Variants in NEBL observed in about 807,000 individuals in gnomAD.
NEBL encodes LIM and SH3 protein 2.
In NEBL, 122 loss-of-function variants were observed where a neutral mutation model predicts 140.2. That is an observed-to-expected ratio of 0.87 (90% CI 0.75 to 1.01). The LOEUF (loss-of-function observed/expected upper bound fraction) is 1.01, where lower values mean the gene tolerates loss of function less well. Ranked by LOEUF, NEBL falls within the 50% of genes least tolerant of loss-of-function variation. The probability of loss-of-function intolerance (pLI) is 0.00; values close to 1 mark genes in which losing one functional copy is unlikely to be tolerated. For missense variants in NEBL, 1,365 were observed against 1,231.3 expected, an observed-to-expected ratio of 1.11 and a Z score of -1.62; for synonymous variants, 436 against 398.9, an observed-to-expected ratio of 1.09 and a Z score of -1.11.
At position 20,791,802 on chromosome 10, in the gene NEBL, T is replaced by C. The variant is rs560891918; in HGVS notation, c.2762-4494A>G. Among the ~76,000 whole-genome samples, 9 of 152,172 alleles carry C rather than the reference T, an allele frequency of 5.9e-5. No homozygotes were observed. In the South Asian group the frequency reaches 1.7e-3, roughly 28 times the overall value. On this transcript the variant is annotated intron_variant, in intron 26 of 27. Transcript: ENST00000377122. The stretch of plus-strand genomic sequence containing the variant: ...GGAAGAAATGTACCCACAAGAAACG[T>C]TGAAGAGTACTCAAAAAGAAGTTCA...
chr10:21,044,360 G>A (rs563942307), intron 2 of NEBL, among the ~76,000 whole-genome samples: 16 of 118,096 alleles, frequency 1.4e-4, no homozygotes, highest in South Asian at 3.0e-4. Flanking sequence ...TGGTGCCACC[G>A]CACTCCAGCC....
In NEBL at chr10:20,897,120, C is replaced by T. The variant is rs1309437282; in HGVS notation, c.81+5G>A. 1 of 1,593,268 alleles carries T rather than the reference C, an allele frequency of 6.3e-7. No homozygotes were observed. Among genetic ancestry groups the T allele is most frequent in the Non-Finnish European group, 8.6e-7 (1 of 1,161,208 alleles). On this transcript the variant is annotated splice_donor_5th_base_variant and intron_variant, in intron 1 of 27. Coordinates refer to ENST00000377122, the MANE Select transcript of NEBL (RefSeq NM_006393.3). ...GCTGGTCTGAGTATGTGTTTTCTCA[C>T]TCACCTGGTCTTCTTCATTTTCTTC...
intron 3 of NEBL, among the ~76,000 whole-genome samples, chr10:21,184,770 C>T (rs1381063): frequency 0.99 from 151,238 of 152,378 alleles, 75,053 homozygotes; most frequent in East Asian, 1. Flanking sequence ...GTTTCTGATA[C>T]TTTGTTAAGC....
chr10:21,248,872 G>A (rs1490949211), intron 2 of NEBL, among the ~76,000 whole-genome samples: 1 of 151,558 alleles, frequency 6.6e-6, no homozygotes, highest in Admixed American at 6.6e-5. Flanking sequence ...CATCCCAATG[G>A]GTATGAAGTG....
intron 2 of NEBL, among the ~76,000 whole-genome samples, chr10:21,158,586 C>T (rs1288694841): frequency 6.6e-6 from 1 of 152,190 alleles, no homozygotes; most frequent in Non-Finnish European, 1.5e-5. Context: ...TCCCCCACCA[C>T]ATCCGCTCTC....
chr10:20,894,937 A>AG (rs1260651527), intron 2 of NEBL, among the ~76,000 whole-genome samples: 1 of 151,108 alleles, frequency 6.6e-6, no homozygotes, highest in African/African-American at 2.4e-5. Flanking sequence ...TAAAAAAAAA[A>AG]AAAAAAAAAA....
chr10:21,063,115 G>T (rs928078044), intron 2 of NEBL, among the ~76,000 whole-genome samples: 1 of 152,090 alleles, frequency 6.6e-6, no homozygotes, highest in African/African-American at 2.4e-5. Context: ...ACATAACTGC[G>T]GGTGCTCCAT....
intron 5 of NEBL, among the ~76,000 whole-genome samples, chr10:20,871,877 C>A (rs1844974331): frequency 1.3e-5 from 2 of 151,912 alleles, no homozygotes; most frequent in South Asian, 4.2e-4. Flanking sequence ...CATGCTTATC[C>A]ACAAATGATG....
Position 21,272,283 on chromosome 10 carries a change from G to T in NEBL, n.183-20455C>A, listed in dbSNP as rs367931156. Among the ~76,000 whole-genome samples the T allele has an allele frequency of 3.9e-5, 6 of 151,976 alleles. No individual in the cohort carries two copies. In the East Asian group the frequency reaches 5.8e-4, roughly 15 times the overall value. ...CCCGGCAAATATAAAAAATTTTTAC[G>T]TGTCAAAAATAAACAAATACACCTG... On this transcript the variant is annotated intron_variant and non_coding_transcript_variant, in intron 1 of 8. Transcript: ENST00000675702.
At chr10:20,968,651 T>C (rs1057050213) in intron 3 of NEBL, among the ~76,000 whole-genome samples, 1 of 152,226 alleles carries the variant, frequency 6.6e-6, no homozygotes, top group Non-Finnish European at 1.5e-5. Flanking sequence ...AGAACAGTAT[T>C]TGCTTTAATG....
chr10:21,286,942 CAA>C (rs1232104610), intron 1 of NEBL, among the ~76,000 whole-genome samples: 1 of 151,792 alleles, frequency 6.6e-6, no homozygotes, highest in Admixed American at 6.6e-5. Flanking sequence ...GCAGTAGCGA[CAA>C]GTGTGACCAA....
intron 3 of NEBL, 65 bp downstream of exon 3, chr10:20,889,780 G>T: frequency 1.0e-6 from 1 of 971,762 alleles, no homozygotes; most frequent in Non-Finnish European, 1.7e-6. Context: ...TTAATGCACA[G>T]ACTTTCATCT....
At chr10:20,934,424 T>C (rs1339208530) in intron 4 of NEBL, among the ~76,000 whole-genome samples, 1 of 152,200 alleles carries the variant, frequency 6.6e-6, no homozygotes, top group African/African-American at 2.4e-5. Context: ...GTCATTCTCC[T>C]TGCCACACCA....
chr10:21,184,691 G>A (rs1168303713), intron 3 of NEBL, among the ~76,000 whole-genome samples: 4 of 152,170 alleles, frequency 2.6e-5, no homozygotes, highest in Admixed American at 6.5e-5. Flanking sequence ...TTGGAACAGA[G>A]TGCCTCTTAA....
intron 2 of NEBL, among the ~76,000 whole-genome samples, chr10:21,050,542 A>C (rs1004864869): frequency 1.3e-5 from 2 of 152,232 alleles, no homozygotes; most frequent in Admixed American, 6.5e-5. Flanking sequence ...ATGTCACTGC[A>C]GTACGGGGAG....
intron 3 of NEBL, among the ~76,000 whole-genome samples, chr10:21,237,972 G>T (rs1055214320): frequency 5.3e-5 from 8 of 152,172 alleles, no homozygotes; most frequent in Non-Finnish European, 1.2e-4. Flanking sequence ...ACCCCTCAGT[G>T]ATCTATAAAC....
At chr10:21,151,746 T>C (rs1840146770) in intron 2 of NEBL, among the ~76,000 whole-genome samples, 2 of 152,176 alleles carry the variant, frequency 1.3e-5, no homozygotes, top group Non-Finnish European at 2.9e-5. Context: ...CCCTTGCCTA[T>C]ACCAGGTTTT....
intron 2 of NEBL, among the ~76,000 whole-genome samples, chr10:21,039,596 G>A (rs1226355996): frequency 6.6e-6 from 1 of 152,108 alleles, no homozygotes; most frequent in East Asian, 1.9e-4. Context: ...ACTAAATTAT[G>A]TAAAAGATTC....
chr10:21,132,226 G>A (rs953372241), intron 2 of NEBL, among the ~76,000 whole-genome samples: 26 of 152,174 alleles, frequency 1.7e-4, no homozygotes, highest in Admixed American at 1.0e-3. Flanking sequence ...CATATAAATG[G>A]AATCATATCA....
Sources: allele counts gnomAD v4.1 joint callset (sites outside exome capture counted in the v4.1 genomes callset), GRCh38; gene constraint gnomAD v4.1.1; transcripts MANE v1.5; gene names NCBI Gene and HGNC (gene_info 2026-07-23, HGNC 2026-07-21).